The following ZNG1B variants were observed in gnomAD, a reference collection of about 807,000 sequenced individuals.
ZNG1B encodes the protein zinc-regulated GTPase metalloprotein activator 1B.
chr2:113,484,462 T>A, the ZNG1B span, among the ~76,000 whole-genome samples: 1 of 151,680 alleles, frequency 6.6e-6, no homozygotes, highest in African/African-American at 2.4e-5. Flanking sequence ...GTGACCTTCC[T>A]GATTCTGCCA....
chr2:113,469,535 C>A, the ZNG1B span: 1 of 147,272 alleles, frequency 6.8e-6, no homozygotes, highest in South Asian at 2.3e-4. Flanking sequence ...AACTGATATT[C>A]AAAAATTTCT....
At chr2:113,464,018 C>T in the ZNG1B span, among the ~76,000 whole-genome samples, 2 of 151,510 alleles carry the variant, frequency 1.3e-5, no homozygotes, top group Admixed American at 6.6e-5. Flanking sequence ...ATTTAGCAAA[C>T]GTTTTTGGCA....
At chr2:113,440,230 C>A in the ZNG1B span, among the ~76,000 whole-genome samples, 5 of 152,094 alleles carry the variant, frequency 3.3e-5, no homozygotes, top group Non-Finnish European at 7.4e-5. Context: ...ATCTTGTTCA[C>A]TTTTTCACCA....
At chr2:113,464,904 C>T in the ZNG1B span, among the ~76,000 whole-genome samples, 1 of 152,036 alleles carries the variant, frequency 6.6e-6, no homozygotes. Flanking sequence ...TTTGCATATA[C>T]GTTTTATTGC....
the ZNG1B span, among the ~76,000 whole-genome samples, chr2:113,442,349 G>A: frequency 2.5e-3 from 380 of 152,140 alleles, 1 homozygote; most frequent in African/African-American, 8.7e-3. Flanking sequence ...AGTATGAATT[G>A]TAATCAAAGC....
At chr2:113,440,077 G>C in the ZNG1B span, among the ~76,000 whole-genome samples, 1 of 150,538 alleles carries the variant, frequency 6.6e-6, no homozygotes, top group African/African-American at 2.4e-5. Flanking sequence ...GTAGAGACGG[G>C]GTTTCACCGT....
chr2:113,460,941 CAGGATTCTGTAATTTTG>C, the ZNG1B span, among the ~76,000 whole-genome samples: 1 of 150,778 alleles, frequency 6.6e-6, no homozygotes, highest in Non-Finnish European at 1.5e-5. Flanking sequence ...ATGCTGAACA[CAGGATTCTGTAATTTTG>C]AGGAACTCGG....
chr2:113,437,720 C>T, the ZNG1B span: 7 of 1,524,910 alleles, frequency 4.6e-6, no homozygotes, highest in East Asian at 1.2e-4. Context: ...GTCCAGAGCC[C>T]AGGTAATCCG....
the ZNG1B span, among the ~76,000 whole-genome samples, chr2:113,474,699 C>T: frequency 2.0e-5 from 3 of 149,812 alleles, no homozygotes; most frequent in Non-Finnish European, 4.4e-5. Context: ...TCTTTGTTCT[C>T]GTTGGTTTCA....
the ZNG1B span, chr2:113,457,253 G>A: frequency 2.5e-6 from 1 of 399,580 alleles, no homozygotes; most frequent in Non-Finnish European, 4.9e-6. Context: ...TGCACAATCT[G>A]TTGAAACAAT....
the ZNG1B span, chr2:113,454,636 G>T: frequency 2.9e-6 from 3 of 1,021,936 alleles, no homozygotes; most frequent in Non-Finnish European, 4.3e-6. Flanking sequence ...AGTAGTATTT[G>T]TGAACTGAAA....
chr2:113,443,557 C>T, the ZNG1B span, among the ~76,000 whole-genome samples: 1 of 140,300 alleles, frequency 7.1e-6, no homozygotes, highest in Non-Finnish European at 1.5e-5. Flanking sequence ...TAGGATGTGT[C>T]TTTTTCAGGG....
At chr2:113,470,289 C>CG in the ZNG1B span, 1 of 152,498 alleles carries the variant, frequency 6.6e-6, no homozygotes, top group South Asian at 2.1e-4. Flanking sequence ...CCACCGTGCC[C>CG]GGCCTGTCCT....
chr2:113,478,721 A>G, the ZNG1B span, among the ~76,000 whole-genome samples: 20 of 151,738 alleles, frequency 1.3e-4, no homozygotes, highest in Non-Finnish European at 4.4e-5. Flanking sequence ...GTGAGGTAGG[A>G]CATGATAGTG....
chr2:113,463,355 T>G, the ZNG1B span, among the ~76,000 whole-genome samples: 3 of 152,170 alleles, frequency 2.0e-5, no homozygotes, highest in Non-Finnish European at 4.4e-5. Context: ...AAAATTACTA[T>G]TCTTAGTATT....
chr2:113,438,876 C>T, the ZNG1B span: 12,550 of 848,498 alleles, frequency 0.015, 923 homozygotes, highest in African/African-American at 0.18. Flanking sequence ...CAGGTACAGA[C>T]TTGGGCCACT....
chr2:113,490,177 G>A, the ZNG1B span, among the ~76,000 whole-genome samples: 4 of 152,068 alleles, frequency 2.6e-5, no homozygotes, highest in African/African-American at 9.7e-5. Context: ...TCAGACCACA[G>A]TGGAATAAAA....
At chr2:113,463,498 T>C in the ZNG1B span, among the ~76,000 whole-genome samples, 1 of 152,128 alleles carries the variant, frequency 6.6e-6, no homozygotes, top group African/African-American at 2.4e-5. Context: ...AAGAAAGAAA[T>C]TCATATTTTT....
the ZNG1B span, among the ~76,000 whole-genome samples, chr2:113,490,549 G>A: frequency 1.5e-3 from 229 of 152,168 alleles, no homozygotes; most frequent in African/African-American, 5.3e-3. Flanking sequence ...CAAAAAGCTG[G>A]TTCTTTGAAA....
Sources: gnomAD v4.1 joint callset for allele counts (sites outside exome capture counted in the v4.1 genomes callset) on GRCh38, gnomAD v4.1.1 for gene constraint, MANE v1.5 for transcripts, NCBI Gene and HGNC (gene_info 2026-07-23, HGNC 2026-07-21) for gene names.